The following PTPRD variants were observed in gnomAD, a reference collection of about 807,000 sequenced individuals.
PTPRD encodes receptor-type tyrosine-protein phosphatase delta.
A neutral mutation model predicts 214.5 loss-of-function variants in PTPRD; 34 were observed. The ratio of observed to expected loss-of-function variants is 0.16; its 90% CI spans 0.12 to 0.21. The LOEUF (loss-of-function observed/expected upper bound fraction) is 0.21, where lower values mean the gene tolerates loss of function less well. Ranked by LOEUF, PTPRD falls within the 10% of genes least tolerant of loss-of-function variation. The probability of loss-of-function intolerance (pLI) is 1.00; values close to 1 mark genes in which losing one functional copy is unlikely to be tolerated. For missense variants in PTPRD, 2,545 were observed against 2,398.7 expected (o/e 1.06, Z -1.27); for synonymous variants, 1,128 against 845.7 (o/e 1.33, Z -5.79).
chr9:10,398,084 T>C lies in PTPRD; in HGVS notation c.-599-57067A>G, dbSNP rs185374180. ...CTTGTGTGTTTAGCAATTTATATAA[T>C]ATGTTAACCAGAACCAGGTGCAGTG... is the stretch of plus-strand genomic sequence containing the variant. On this transcript the variant is annotated intron_variant, in intron 2 of 45. Transcript: ENST00000381196. 1.6e-4 allele frequency among the ~76,000 whole-genome samples: 24 copies of C among 151,508 alleles called. 1 individual carries two copies. The Admixed American group carries it at 1.6e-3, about 10-fold the overall frequency.
rs79384325 is a variant in PTPRD, at chr9:8,580,250, T to G, written c.353-51471A>C. ...TAATATGCAAAGAAAGCAATAAGCA[T>G]TAGAGGGAGATAACTGACAAACCAA... On this transcript the variant is annotated intron_variant, in intron 14 of 45. Coordinates refer to ENST00000381196, the MANE Select transcript of PTPRD (RefSeq NM_002839.4). 5.6e-3 allele frequency among the ~76,000 whole-genome samples: 851 copies of G among 152,096 alleles called. 7 individuals carry two copies. The highest frequency in any genetic ancestry group is 0.024 in the Middle Eastern group (7 of 294).
intron 10 of PTPRD, among the ~76,000 whole-genome samples, chr9:9,096,298 T>C (rs904242990): frequency 2.0e-5 from 3 of 152,226 alleles, no homozygotes; most frequent in African/African-American, 7.2e-5. Context: ...ATCTTTTTAC[T>C]ATCTATAAGT....
chr9:9,760,641 CACACACACACACATATAT>C (rs1448771132), intron 6 of PTPRD, among the ~76,000 whole-genome samples: 2 of 134,610 alleles, frequency 1.5e-5, no homozygotes, highest in African/African-American at 6.2e-5. Context: ...CACACACACA[CACACACACACACATATAT>C]ATATATATTC....
At chr9:8,498,707 T>C (rs1563849360) in intron 25 of PTPRD, among the ~76,000 whole-genome samples, 2 of 152,228 alleles carry the variant, frequency 1.3e-5, no homozygotes, top group East Asian at 3.9e-4. Context: ...AGTATTCCAA[T>C]GATCATAATA....
chr9:9,040,925 C>T (rs1242528236), intron 10 of PTPRD, among the ~76,000 whole-genome samples: 1 of 152,090 alleles, frequency 6.6e-6, no homozygotes, highest in Admixed American at 6.6e-5. Flanking sequence ...AGAAACAGAA[C>T]TGGTCCTACC....
At chr9:9,407,776 T>C (rs2074020487) in intron 8 of PTPRD, among the ~76,000 whole-genome samples, 1 of 151,858 alleles carries the variant, frequency 6.6e-6, no homozygotes, top group Non-Finnish European at 1.5e-5. Context: ...CATAAACTCA[T>C]TTCAGTTCCT....
chr9:9,895,665 C>T (rs77472711), intron 5 of PTPRD, among the ~76,000 whole-genome samples: 2,119 of 151,986 alleles, frequency 0.014, 62 homozygotes, highest in African/African-American at 0.048. Flanking sequence ...TTTAAGAGAT[C>T]TATTATACTA....
chr9:9,739,902 C>G (rs750061416), intron 6 of PTPRD, among the ~76,000 whole-genome samples: 16 of 151,810 alleles, frequency 1.1e-4, no homozygotes, highest in Non-Finnish European at 1.9e-4. Context: ...AATTTGTATT[C>G]ATTTCTAAAT....
At chr9:10,360,883 G>A (rs10959073) in intron 2 of PTPRD, among the ~76,000 whole-genome samples, 22,745 of 151,984 alleles carry the variant, frequency 0.15, 3,011 homozygotes, top group African/African-American at 0.35. Flanking sequence ...CGGGCAGATC[G>A]CGAGGTCAGG....
chr9:9,218,266 C>G (rs1009741718), intron 9 of PTPRD, among the ~76,000 whole-genome samples: 6 of 152,086 alleles, frequency 3.9e-5, no homozygotes, highest in Non-Finnish European at 2.9e-5. Context: ...TCTAATCAAG[C>G]CTATGCAACT....
chr9:8,702,258 G>C (rs1375204015), intron 12 of PTPRD, among the ~76,000 whole-genome samples: 1 of 134,048 alleles, frequency 7.5e-6, no homozygotes, highest in African/African-American at 2.9e-5. Flanking sequence ...AGTGTGTAAA[G>C]TAAAAAAAAA....
intron 3 of PTPRD, among the ~76,000 whole-genome samples, chr9:10,123,973 C>A (rs2098796455): frequency 6.6e-6 from 1 of 152,126 alleles, no homozygotes; most frequent in African/African-American, 2.4e-5. Context: ...ATTTGCCAAA[C>A]AATGTAGGTG....
chr9:8,508,450 G>A lies in PTPRD; in HGVS notation c.1544-1016C>T, dbSNP rs1288070414. 2.6e-5 allele frequency among the ~76,000 whole-genome samples: 4 copies of A among 152,096 alleles called. No individual in the cohort carries two copies. In the East Asian group the frequency reaches 7.7e-4, roughly 29 times the overall value. ...CCACTGTCTGCTCTGATTGGTGAGT[G>A]CCTATGCTTTCCCAATTGTAAAACA... On this transcript the variant is annotated intron_variant, in intron 21 of 45. Transcript: ENST00000381196.
chr9:9,875,335 G>A (rs929033878), intron 5 of PTPRD, among the ~76,000 whole-genome samples: 1 of 152,008 alleles, frequency 6.6e-6, no homozygotes. Context: ...TTATTGTACA[G>A]TACCCTAGCC....
intron 2 of PTPRD, among the ~76,000 whole-genome samples, chr9:10,386,704 G>C (rs1015943256): frequency 1.3e-5 from 2 of 151,710 alleles, no homozygotes; most frequent in Non-Finnish European, 2.9e-5. Context: ...AAAACAGAGA[G>C]AGAGAGAGAC....
intron 9 of PTPRD, among the ~76,000 whole-genome samples, chr9:9,271,060 G>A (rs746562185): frequency 6.6e-6 from 1 of 151,258 alleles, no homozygotes; most frequent in Non-Finnish European, 1.5e-5. Context: ...CGGCTTCCAG[G>A]TGGAGATAAG....
At chr9:9,434,449 C>A (rs2084399384) in intron 8 of PTPRD, among the ~76,000 whole-genome samples, 1 of 152,148 alleles carries the variant, frequency 6.6e-6, no homozygotes, top group Non-Finnish European at 1.5e-5. Flanking sequence ...CCAAAGTGAT[C>A]TACAGATTTT....
chr9:10,352,190 G>C (rs1264593035), intron 2 of PTPRD, among the ~76,000 whole-genome samples: 1 of 151,788 alleles, frequency 6.6e-6, no homozygotes, highest in African/African-American at 2.4e-5. Flanking sequence ...TTCTTCACTG[G>C]ATTTTTAAGA....
intron 35 of PTPRD, among the ~76,000 whole-genome samples, chr9:8,417,084 C>T (rs935025059): frequency 2.0e-5 from 3 of 152,042 alleles, no homozygotes; most frequent in Non-Finnish European, 4.4e-5. Flanking sequence ...ACACCAGATA[C>T]CTCTGCCAAT....
Sources: allele counts gnomAD v4.1 joint callset (sites outside exome capture counted in the v4.1 genomes callset), GRCh38; gene constraint gnomAD v4.1.1; transcripts MANE v1.5; gene names NCBI Gene and HGNC (gene_info 2026-07-23, HGNC 2026-07-21).